GPC5: variants seen among roughly 807,000 people sequenced by gnomAD.
GPC5 encodes glypican 5, also known as glypican-5.
Under a neutral mutation model 53.9 loss-of-function variants are expected in GPC5, and 47 were observed. That is an observed-to-expected ratio of 0.87 (90% CI 0.69 to 1.11). GPC5 has a LOEUF of 1.11. Among genes scored for constraint, GPC5 ranks in the 50% most tolerant of loss-of-function variants. The pLI, the probability that GPC5 is intolerant of heterozygous loss-of-function variation, is 0.00. For synonymous variants in GPC5, 286 were observed against 263.3 expected, an observed-to-expected ratio of 1.09 and a Z score of -0.84; for missense variants, 748 against 713.1, an observed-to-expected ratio of 1.05 and a Z score of -0.56.
intron 7 of GPC5, among the ~76,000 whole-genome samples, chr13:92,285,936 A>G (rs868353061): frequency 4.6e-5 from 7 of 151,896 alleles, no homozygotes; most frequent in African/African-American, 7.3e-5. Flanking sequence ...AAAAAAACCT[A>G]CCATCAGAGT....
chr13:91,965,884 C>T (rs1200835465), intron 6 of GPC5, among the ~76,000 whole-genome samples: 1 of 152,022 alleles, frequency 6.6e-6, no homozygotes, highest in Non-Finnish European at 1.5e-5. Context: ...CTGAATAAGT[C>T]CATTGGGTTA....
At chr13:92,471,520 A>G (rs988293702) in intron 7 of GPC5, among the ~76,000 whole-genome samples, 8 of 133,550 alleles carry the variant, frequency 6.0e-5, no homozygotes, top group Non-Finnish European at 1.2e-4. Flanking sequence ...CTTTTATTGC[A>G]TTTATAATAA....
chr13:92,344,820 TACA>T (rs1423568998), intron 7 of GPC5, among the ~76,000 whole-genome samples: 1 of 152,272 alleles, frequency 6.6e-6, no homozygotes, highest in Non-Finnish European at 1.5e-5. Flanking sequence ...AACTTTTGAT[TACA>T]ACAACTATTC....
chr13:91,572,104 TACACAC>T (rs375349204), intron 2 of GPC5, among the ~76,000 whole-genome samples: 2 of 120,532 alleles, frequency 1.7e-5, no homozygotes, highest in African/African-American at 6.9e-5. Context: ...TGTGTGTATA[TACACAC>T]ATGTATATAT....
intron 5 of GPC5, among the ~76,000 whole-genome samples, chr13:91,845,602 C>G (rs1230732443): frequency 6.6e-6 from 1 of 152,076 alleles, no homozygotes; most frequent in African/African-American, 2.4e-5. Context: ...TTTGCTATAA[C>G]CAGGAAGGCA....
intron 7 of GPC5, among the ~76,000 whole-genome samples, chr13:92,473,742 G>A (rs555434550): frequency 6.6e-6 from 1 of 152,124 alleles, no homozygotes; most frequent in African/African-American, 2.4e-5. Context: ...CGTTTTTATA[G>A]TGTCATCATA....
intron 6 of GPC5, among the ~76,000 whole-genome samples, chr13:92,036,953 C>T (rs1308295352): frequency 6.6e-6 from 1 of 152,006 alleles, no homozygotes; most frequent in Non-Finnish European, 1.5e-5. Flanking sequence ...TCTGAAGTAC[C>T]TTCCTACTCC....
At chr13:91,441,739 A>G (rs1055842960) in intron 1 of GPC5, among the ~76,000 whole-genome samples, 3 of 152,324 alleles carry the variant, frequency 2.0e-5, no homozygotes, top group Admixed American at 1.3e-4. Context: ...CTGCCATTAT[A>G]ACATTTCCAA....
chr13:92,165,354 T>A (rs1176123099), intron 7 of GPC5, among the ~76,000 whole-genome samples: 2 of 152,170 alleles, frequency 1.3e-5, no homozygotes, highest in East Asian at 3.9e-4. Context: ...CGGTACCAAT[T>A]TATTGTATTA....
intron 4 of GPC5, among the ~76,000 whole-genome samples, chr13:91,730,866 TAAG>T (rs1265903576): frequency 6.6e-6 from 1 of 152,164 alleles, no homozygotes; most frequent in Non-Finnish European, 1.5e-5. Flanking sequence ...TCCTTTTATA[TAAG>T]AAGAATATCC....
Position 92,349,870 on chromosome 13 carries a change from C to T in GPC5, c.1561+204881C>T, listed in dbSNP as rs563499983. Among the ~76,000 whole-genome samples, 18 of 152,258 alleles carry T rather than the reference C, an allele frequency of 1.2e-4. 1 individual carries two copies. The East Asian group carries it at 3.5e-3, about 29-fold the overall frequency. On this transcript the variant is annotated intron_variant, in intron 7 of 7. Coordinates refer to ENST00000377067, the MANE Select transcript of GPC5 (RefSeq NM_004466.6). ...AAAAATTGAAGAGGAGGGACTCTTT[C>T]TTTAGCTCATTTATCAAGTCACCAT...
At chr13:91,886,480 G>A (rs183343422) in intron 5 of GPC5, among the ~76,000 whole-genome samples, 11 of 152,106 alleles carry the variant, frequency 7.2e-5, no homozygotes, top group East Asian at 3.9e-4. Context: ...TCTTCCCAAC[G>A]TCCCCCAAAG....
At chr13:91,742,163 G>A (rs916375803) in intron 4 of GPC5, among the ~76,000 whole-genome samples, 6 of 152,102 alleles carry the variant, frequency 3.9e-5, no homozygotes, top group Non-Finnish European at 8.8e-5. Context: ...AGACCTACAT[G>A]AATAATGAAG....
intron 6 of GPC5, among the ~76,000 whole-genome samples, chr13:91,960,030 G>GACAAGGATGCCC (rs369903188): frequency 0.019 from 2,943 of 151,692 alleles, 90 homozygotes; most frequent in African/African-American, 0.067. Context: ...AACTGGACAA[G>GACAAGGATGCCC]ACTTTTAACA....
Position 91,399,226 on chromosome 13 carries a change from G to A in GPC5, c.163+17G>A. ...CGCGGGCAGGTAAGGGGCAATGAGG[G>A]GGTCTCTGGACTGGCGGCGTCCGAG... On this transcript the variant is annotated intron_variant, in intron 1 of 7. Transcript: ENST00000377067. 1 of 1,609,124 alleles carries A rather than the reference G, an allele frequency of 6.2e-7. No homozygotes were observed. The highest frequency in any genetic ancestry group is 8.5e-7 in the Non-Finnish European group (1 of 1,178,530).
At chr13:92,337,253 A>G (rs868454368) in intron 7 of GPC5, among the ~76,000 whole-genome samples, 1 of 152,054 alleles carries the variant, frequency 6.6e-6, no homozygotes, top group African/African-American at 2.4e-5. Context: ...TTCAAGATCT[A>G]TCTGAGGAAA....
At chr13:91,724,176 G>T (rs2036530434) in intron 3 of GPC5, among the ~76,000 whole-genome samples, 1 of 152,100 alleles carries the variant, frequency 6.6e-6, no homozygotes, top group South Asian at 2.1e-4. Context: ...TTAATATAAT[G>T]ATATGAGTTA....
At chr13:91,584,142 C>T (rs745999294) in intron 2 of GPC5, among the ~76,000 whole-genome samples, 21 of 152,042 alleles carry the variant, frequency 1.4e-4, no homozygotes, top group Non-Finnish European at 2.9e-4. Flanking sequence ...AAAGAGAGGC[C>T]GCCGAAGAAA....
At chr13:91,465,172 T>C (rs1882161993) in intron 2 of GPC5, among the ~76,000 whole-genome samples, 1 of 152,148 alleles carries the variant, frequency 6.6e-6, no homozygotes, top group South Asian at 2.1e-4. Flanking sequence ...ATCTTCTTGC[T>C]TTCTTGATCT....
Sources: gnomAD v4.1 joint callset for allele counts (sites outside exome capture counted in the v4.1 genomes callset) on GRCh38, gnomAD v4.1.1 for gene constraint, MANE v1.5 for transcripts, NCBI Gene and HGNC (gene_info 2026-07-23, HGNC 2026-07-21) for gene names.